The following FSTL5 variants were observed in gnomAD, a reference collection of about 807,000 sequenced individuals.
FSTL5 encodes the protein follistatin-related protein 5.
A neutral mutation model predicts 89.1 loss-of-function variants in FSTL5; 62 were observed. The observed-to-expected ratio is 0.70, with a 90% confidence interval of 0.57 to 0.86. The LOEUF is 0.86. FSTL5 is among the 40% of genes least tolerant of loss of function. The probability of loss-of-function intolerance (pLI) is 0.00; values close to 1 mark genes in which losing one functional copy is unlikely to be tolerated. For synonymous variants in FSTL5, 383 were observed against 346.2 expected (o/e 1.11, Z -1.18); for missense variants, 1,057 against 1,001.6 (o/e 1.06, Z -0.75).
chr4:161,938,875 T>C (rs758586094), intron 3 of FSTL5, among the ~76,000 whole-genome samples: 154 of 151,722 alleles, frequency 1.0e-3, no homozygotes, highest in Non-Finnish European at 1.5e-3. Context: ...AACTTAAGTA[T>C]TTTTTTTAAT....
intron 13 of FSTL5, among the ~76,000 whole-genome samples, chr4:161,464,038 C>T (rs1341895996): frequency 1.3e-5 from 2 of 152,134 alleles, no homozygotes; most frequent in African/African-American, 4.8e-5. Flanking sequence ...TGACAGTAAT[C>T]AGCTCCAAAC....
intron 3 of FSTL5, among the ~76,000 whole-genome samples, chr4:161,951,229 C>G (rs534639753): frequency 1.2e-3 from 179 of 152,178 alleles, no homozygotes; most frequent in African/African-American, 3.5e-3. Flanking sequence ...CATTAAACCT[C>G]TTTTTCTTGA....
intron 8 of FSTL5, among the ~76,000 whole-genome samples, chr4:161,566,100 CT>C (rs1732796130): frequency 3.7e-5 from 2 of 54,060 alleles, no homozygotes; most frequent in African/African-American, 1.4e-4. Flanking sequence ...TTTTTTTGGA[CT>C]ATATATATAT....
chr4:161,846,604 C>G (rs1731377602), intron 4 of FSTL5, among the ~76,000 whole-genome samples: 1 of 152,148 alleles, frequency 6.6e-6, no homozygotes, highest in Non-Finnish European at 1.5e-5. Flanking sequence ...ACAATCCACT[C>G]TACTAATGAT....
intron 8 of FSTL5, among the ~76,000 whole-genome samples, chr4:161,559,352 T>C (rs1458809627): frequency 1.3e-5 from 2 of 151,814 alleles, no homozygotes; most frequent in African/African-American, 4.8e-5. Flanking sequence ...TTCTTTCTTC[T>C]CCTTTGCTTT....
intron 8 of FSTL5, 50 bp downstream of exon 8, chr4:161,587,405 T>A (rs1264751278): frequency 1.3e-6 from 2 of 1,587,324 alleles, no homozygotes; most frequent in Non-Finnish European, 1.7e-6. Context: ...CACTTCCTAG[T>A]AAACTATGGT....
At chr4:161,971,747 T>C (rs1423553865) in intron 3 of FSTL5, among the ~76,000 whole-genome samples, 2 of 152,210 alleles carry the variant, frequency 1.3e-5, no homozygotes, top group Non-Finnish European at 2.9e-5. Context: ...TATGTGGACA[T>C]ATTAATTTCA....
chr4:162,098,844 C>T (rs527383958), intron 2 of FSTL5, among the ~76,000 whole-genome samples: 13 of 152,082 alleles, frequency 8.5e-5, no homozygotes, highest in South Asian at 6.2e-4. Context: ...TTTCAACAAA[C>T]GCTTCTGGAA....
At chr4:161,765,352 T>A (rs1740957007) in intron 5 of FSTL5, among the ~76,000 whole-genome samples, 1 of 152,180 alleles carries the variant, frequency 6.6e-6, no homozygotes, top group African/African-American at 2.4e-5. Context: ...TGTATTTACT[T>A]TGTCCCACTG....
intron 2 of FSTL5, chr4:162,035,441 TA>T (rs561267418): frequency 6.6e-6 from 1 of 152,050 alleles, no homozygotes; most frequent in East Asian, 1.9e-4. Flanking sequence ...AAACATGTCC[TA>T]GGGGAGAAAA....
At chr4:162,072,436 G>A (rs986829718) in intron 2 of FSTL5, among the ~76,000 whole-genome samples, 7 of 151,620 alleles carry the variant, frequency 4.6e-5, no homozygotes, top group Admixed American at 3.3e-4. Context: ...AATCTATTAG[G>A]AATACTATAA....
chr4:162,162,550 A>G (rs746834319), intron 1 of FSTL5, among the ~76,000 whole-genome samples: 2 of 152,062 alleles, frequency 1.3e-5, no homozygotes, highest in Non-Finnish European at 2.9e-5. Context: ...AAACCATCAC[A>G]CCTGTCAAAG....
At chr4:162,125,678 G>C (rs1732050620) in intron 1 of FSTL5, among the ~76,000 whole-genome samples, 1 of 151,918 alleles carries the variant, frequency 6.6e-6, no homozygotes, top group Non-Finnish European at 1.5e-5. Context: ...GTCTTCATCA[G>C]ACATTGTAAT....
chr4:161,471,979 CTT>C (rs61243040), intron 13 of FSTL5, among the ~76,000 whole-genome samples: 5 of 132,528 alleles, frequency 3.8e-5, no homozygotes, highest in Admixed American at 7.5e-5. Flanking sequence ...TTTTCTTGAT[CTT>C]TTTTTTTTTT....
chr4:161,580,431 C>T (rs1446847333), intron 8 of FSTL5, among the ~76,000 whole-genome samples: 1 of 152,032 alleles, frequency 6.6e-6, no homozygotes, highest in Non-Finnish European at 1.5e-5. Flanking sequence ...CTAGGTTCAA[C>T]TAGTTTTGAT....
chr4:161,955,727 C>T (rs1012413257), intron 3 of FSTL5, among the ~76,000 whole-genome samples: 2 of 151,754 alleles, frequency 1.3e-5, no homozygotes, highest in East Asian at 1.9e-4. Flanking sequence ...CTTTGGAATG[C>T]GCAAGTGAGT....
rs1361898535 is a variant in FSTL5, at chr4:161,705,928, A to ATGCATGTGTGTGTGTAGATGTGTATAT, written c.728-49435_728-49434insATATACACATCTACACACACACATGCA. The stretch of plus-strand genomic sequence containing the variant: ...GCTTATCTCCAAAAGAAAAATACAT[A>ATGCATGTGTGTGTGTAGATGTGTATAT]TGCATGTGTGTGTGTAGATGTGTGT... On this transcript the variant is annotated intron_variant, in intron 6 of 15. Coordinates refer to ENST00000306100, the MANE Select transcript of FSTL5 (RefSeq NM_020116.5). Among the ~76,000 whole-genome samples the ATGCATGTGTGTGTGTAGATGTGTATAT allele has an allele frequency of 7.8e-4, 98 of 125,698 alleles. 1 individual carries two copies. The highest frequency in any genetic ancestry group is 2.8e-3 in the African/African-American group (96 of 33,892). 82.5% of individuals were successfully genotyped at this position (125,698 alleles called of 152,430 possible).
intron 6 of FSTL5, among the ~76,000 whole-genome samples, chr4:161,658,238 C>T (rs116381302): frequency 0.034 from 5,171 of 151,552 alleles, 161 homozygotes; most frequent in South Asian, 0.13. Context: ...CAGAGGCAGG[C>T]GGATCACTTG....
At chr4:161,620,331 A>G (rs1735076911) in intron 7 of FSTL5, among the ~76,000 whole-genome samples, 3 of 152,110 alleles carry the variant, frequency 2.0e-5, no homozygotes, top group Admixed American at 2.0e-4. Context: ...CTAAAACGTA[A>G]AGTATAATAA....
Sources: allele counts gnomAD v4.1 joint callset (sites outside exome capture counted in the v4.1 genomes callset), GRCh38; gene constraint gnomAD v4.1.1; transcripts MANE v1.5; gene names NCBI Gene and HGNC (gene_info 2026-07-23, HGNC 2026-07-21).